KIF6: variants seen among roughly 807,000 people sequenced by gnomAD.
KIF6 encodes the protein kinesin family member 6.
In KIF6, 106 loss-of-function variants were observed where a neutral mutation model predicts 112.7. The ratio of observed to expected loss-of-function variants is 0.94; its 90% CI spans 0.80 to 1.11. The LOEUF (loss-of-function observed/expected upper bound fraction) is 1.11. Ranked by LOEUF, KIF6 falls within the 50% of genes least tolerant of loss-of-function variation. KIF6 has a pLI of 0.00. For missense variants in KIF6, 929 were observed against 964.0 expected (o/e 0.96, Z 0.48); for synonymous variants, 339 against 339.9 (o/e 1.00, Z 0.03).
chr6:39,639,903 C>G (rs1007100685), intron 3 of KIF6, 146 bp from the exon 4 acceptor site: 1 of 631,900 alleles, frequency 1.6e-6, no homozygotes, highest in Non-Finnish European at 2.6e-6. Context: ...ATGTGAATAT[C>G]TAGCTAGAAT....
chr6:39,592,380 A>T (rs947475365), intron 7 of KIF6, among the ~76,000 whole-genome samples: 7 of 152,258 alleles, frequency 4.6e-5, no homozygotes, highest in African/African-American at 1.7e-4. Context: ...AAATTGACAA[A>T]ATTTGGAGTG....
chr6:39,357,374 C>T lies in KIF6; in HGVS notation c.2083G>A (p.Val695Ile). ...AGTGAATTCACTGCTGGAGAATTTA[C>T]CTGTTGGCCCCAGAAGGAGTTTCAC... ...WWAEEATNLQ[V>I]NSPAVNSLDH... is the part of the protein sequence containing the mutation. Residue 695 changes from valine to isoleucine, a missense_variant and splice_region_variant, in exon 19 of 23, where the codon GTA becomes ATA. Physicochemically the swap from Val to Ile is conservative, Grantham distance 29 (BLOSUM62 3). Transcript: ENST00000287152. 6.2e-7 allele frequency: 1 copy of T among 1,605,690 alleles called. No homozygotes were observed. Among genetic ancestry groups the T allele is most frequent in the South Asian group, 1.1e-5 (1 of 90,762 alleles).
At chr6:39,390,689 T>G (rs971575253) in intron 15 of KIF6, among the ~76,000 whole-genome samples, 2 of 152,156 alleles carry the variant, frequency 1.3e-5, no homozygotes, top group Non-Finnish European at 2.9e-5. Flanking sequence ...CTGGGCAAAA[T>G]CTGGTTAATA....
chr6:39,360,277 G>T, intron 18 of KIF6, 118 bp downstream of exon 18: 1 of 1,136,104 alleles, frequency 8.8e-7, no homozygotes, highest in Non-Finnish European at 1.2e-6. Flanking sequence ...TGCTTCATGA[G>T]CAGGGGCTGA....
chr6:39,725,197 G>A (rs761876040), intron 1 of KIF6, 48 bp downstream of exon 1: 3 of 1,548,888 alleles, frequency 1.9e-6, no homozygotes, highest in African/African-American at 1.4e-5. Context: ...CCCGACCCCA[G>A]CCCAAGAGGC....
chr6:39,697,505 G>T (rs2113824832), intron 3 of KIF6, among the ~76,000 whole-genome samples: 1 of 151,120 alleles, frequency 6.6e-6, no homozygotes, highest in South Asian at 2.1e-4. Context: ...AAGATCTCAA[G>T]ACTAATATTA....
intron 13 of KIF6, among the ~76,000 whole-genome samples, chr6:39,510,678 C>A (rs940254170): frequency 6.6e-6 from 1 of 152,116 alleles, no homozygotes; most frequent in East Asian, 1.9e-4. Flanking sequence ...ATGGCAGGAT[C>A]AAATTCACAT....
intron 21 of KIF6, among the ~76,000 whole-genome samples, chr6:39,344,261 C>A (rs1763542947): frequency 6.6e-6 from 1 of 152,184 alleles, no homozygotes; most frequent in Non-Finnish European, 1.5e-5. Flanking sequence ...GTAAGACGTG[C>A]CTTTCACCAT....
At chr6:39,531,459 T>C (rs1044164146) in intron 13 of KIF6, among the ~76,000 whole-genome samples, 2 of 152,142 alleles carry the variant, frequency 1.3e-5, no homozygotes, top group African/African-American at 4.8e-5. Flanking sequence ...AACAAGGGGC[T>C]GGGCAGTGAT....
chr6:39,546,068 C>T (rs1561796599), intron 10 of KIF6, among the ~76,000 whole-genome samples: 1 of 152,192 alleles, frequency 6.6e-6, no homozygotes, highest in East Asian at 1.9e-4. Flanking sequence ...CTTCAGCTGG[C>T]ACCTCAGTGA....
At chr6:39,612,297 A>G (rs948655575) in intron 6 of KIF6, among the ~76,000 whole-genome samples, 2 of 152,200 alleles carry the variant, frequency 1.3e-5, no homozygotes, top group Admixed American at 6.5e-5. Flanking sequence ...GAGACAAGGT[A>G]AAATACAGAA....
At chr6:39,715,967 C>G (rs1242246275) in intron 2 of KIF6, among the ~76,000 whole-genome samples, 1 of 152,122 alleles carries the variant, frequency 6.6e-6, no homozygotes, top group African/African-American at 2.4e-5. Context: ...GAGGTCTGAG[C>G]ACATATTCTC....
chr6:39,448,910 C>T (rs1581880557), intron 13 of KIF6, among the ~76,000 whole-genome samples: 1 of 152,192 alleles, frequency 6.6e-6, no homozygotes, highest in African/African-American at 2.4e-5. Context: ...TAAGCTCTAT[C>T]CCAAGCTGTT....
At chr6:39,361,334 G>A (rs1259165877) in intron 17 of KIF6, among the ~76,000 whole-genome samples, 1 of 151,946 alleles carries the variant, frequency 6.6e-6, no homozygotes, top group Non-Finnish European at 1.5e-5. Context: ...TGAGGCGGGT[G>A]GATCACCTGA....
intron 2 of KIF6, among the ~76,000 whole-genome samples, chr6:39,719,406 G>A (rs1205318676): frequency 6.6e-6 from 1 of 151,968 alleles, no homozygotes; most frequent in Non-Finnish European, 1.5e-5. Context: ...AAGGGCAAAG[G>A]CAGGAATAGT....
chr6:39,433,898 G>A (rs141950522), intron 13 of KIF6, among the ~76,000 whole-genome samples: 45 of 152,260 alleles, frequency 3.0e-4, no homozygotes, highest in Middle Eastern at 6.8e-3. Flanking sequence ...GAGCTCATGC[G>A]CAGCTCCTTT....
chr6:39,671,396 G>C (rs1426329765), intron 3 of KIF6, among the ~76,000 whole-genome samples: 1 of 152,208 alleles, frequency 6.6e-6, no homozygotes, highest in Non-Finnish European at 1.5e-5. Context: ...AGACTCTAGT[G>C]ATAATAATAT....
chr6:39,509,899 T>C (rs1029757858), intron 13 of KIF6, among the ~76,000 whole-genome samples: 11 of 152,002 alleles, frequency 7.2e-5, no homozygotes, highest in African/African-American at 2.4e-4. Context: ...AGATACTCCT[T>C]GAGAAGAGCA....
intron 15 of KIF6, among the ~76,000 whole-genome samples, chr6:39,406,767 G>A (rs1348539570): frequency 6.6e-6 from 1 of 152,012 alleles, no homozygotes; most frequent in Non-Finnish European, 1.5e-5. Flanking sequence ...GTTGTTTTTG[G>A]AGACAAGTTC....
Sources: allele counts gnomAD v4.1 joint callset (sites outside exome capture counted in the v4.1 genomes callset), GRCh38; gene constraint gnomAD v4.1.1; transcripts MANE v1.5; gene names NCBI Gene and HGNC (gene_info 2026-07-23, HGNC 2026-07-21).